Variants in STX3 observed in about 807,000 individuals in gnomAD.
STX3 encodes the protein syntaxin-3.
Under a neutral mutation model 40.2 loss-of-function variants are expected in STX3, and 19 were observed. That is an observed-to-expected ratio of 0.47 (90% CI 0.33 to 0.69). The LOEUF (loss-of-function observed/expected upper bound fraction) is 0.69. Among genes scored for constraint, STX3 ranks in the 30% least tolerant of loss-of-function variants. The pLI is 0.02. For missense variants in STX3, 364 were observed against 366.7 expected, an observed-to-expected ratio of 0.99 and a Z score of 0.06; for synonymous variants, 122 against 132.2, an observed-to-expected ratio of 0.92 and a Z score of 0.53.
chr11:59,794,932 C>G (rs192129566), intron 8 of STX3, among the ~76,000 whole-genome samples: 6 of 152,342 alleles, frequency 3.9e-5, no homozygotes, highest in Admixed American at 1.3e-4. Flanking sequence ...TGAATATACT[C>G]AATTCAGGCT....
At chr11:59,782,114 T>G (rs76847145) in intron 2 of STX3, among the ~76,000 whole-genome samples, 6,983 of 152,292 alleles carry the variant, frequency 0.046, 209 homozygotes, top group African/African-American at 0.058. Context: ...TTTCCTTGTT[T>G]AATTAGATTC....
intron 4 of STX3, chr11:59,789,272 G>A (rs183579841): frequency 1.2e-5 from 3 of 243,506 alleles, no homozygotes; most frequent in South Asian, 4.4e-5. Context: ...TTTTTGAGAC[G>A]GAGTCTCACT....
Position 59,803,039 on chromosome 11 carries a change from C to T in STX3, c.*2215C>T, listed in dbSNP as rs1865952588. 18 of 985,346 alleles carry T rather than the reference C, an allele frequency of 1.8e-5. No individual in the cohort carries two copies. The highest frequency in any genetic ancestry group is 2.2e-5 in the Non-Finnish European group (18 of 829,934). The allele number at this position is 985,346 out of a possible 1,614,324, so 61.0% of individuals were successfully genotyped here. A position where few individuals can be genotyped will look rare whatever the true frequency, so the allele number is the denominator to read the frequency against. ...CTTTTAATCTAACTTGAATGTCTCA[C>T]CAAAAATAACATTTCTGTTGGCATT... On this transcript the variant is annotated 3_prime_UTR_variant, in exon 11 of 11. Coordinates refer to ENST00000337979, the MANE Select transcript of STX3 (RefSeq NM_004177.5).
intron 10 of STX3, among the ~76,000 whole-genome samples, chr11:59,797,709 A>G (rs1411683472): frequency 1.3e-5 from 2 of 152,284 alleles, no homozygotes; most frequent in East Asian, 3.9e-4. Context: ...GCATGCTTCT[A>G]AGTTGGGTAC....
intron 2 of STX3, among the ~76,000 whole-genome samples, chr11:59,777,720 TGAGA>T (rs151230945): frequency 6.6e-6 from 1 of 152,230 alleles, no homozygotes; most frequent in Non-Finnish European, 1.5e-5. Flanking sequence ...CTTAGGATTG[TGAGA>T]GAGAGAGTCT....
Position 59,800,944 on chromosome 11 carries a change from G to A in STX3, c.*120G>A, listed in dbSNP as rs780484718. ...GCCTTCCTGAGAGCGAGTGCGACCC[G>A]TTCCTTTGTTTCCTTGCAACCACCC... is the stretch of plus-strand genomic sequence containing the variant. On this transcript the variant is annotated 3_prime_UTR_variant, in exon 11 of 11. Transcript: ENST00000337979. The A allele has an allele frequency of 4.9e-5, 75 of 1,535,958 alleles. No individual in the cohort carries two copies. The highest frequency in any genetic ancestry group is 3.8e-4 in the African/African-American group (28 of 73,140).
intron 4 of STX3, chr11:59,789,302 G>A (rs1864971119): frequency 4.8e-6 from 1 of 207,130 alleles, no homozygotes; most frequent in Non-Finnish European, 9.8e-6. Context: ...AGGCTGGAGT[G>A]CAGTGGTGTG....
intron 2 of STX3, among the ~76,000 whole-genome samples, chr11:59,777,948 G>C (rs1025724973): frequency 6.6e-6 from 1 of 152,150 alleles, no homozygotes; most frequent in African/African-American, 2.4e-5. Flanking sequence ...AAATTTTACT[G>C]TCTGGTGCCT....
At chr11:59,790,188 T>C (rs369995874) in intron 4 of STX3, among the ~76,000 whole-genome samples, 1 of 152,262 alleles carries the variant, frequency 6.6e-6, no homozygotes, top group East Asian at 1.9e-4. Flanking sequence ...GGGACTGTTA[T>C]TCTGTTTTAC....
chr11:59,792,344 C>G (rs78969280), intron 6 of STX3, 129 bp downstream of exon 6: 51,660 of 685,926 alleles, frequency 0.075, 2,690 homozygotes, highest in African/African-American at 0.21. Context: ...AGCTCCTGCA[C>G]CACTGGCACA....
intron 1 of STX3, among the ~76,000 whole-genome samples, chr11:59,756,375 G>C (rs1274613019): frequency 6.6e-6 from 1 of 152,180 alleles, no homozygotes; most frequent in Admixed American, 6.5e-5. Context: ...ATACAGAAAA[G>C]GGTTAACGCA....
intron 4 of STX3, among the ~76,000 whole-genome samples, chr11:59,789,860 ATT>A (rs1248670383): frequency 6.6e-6 from 1 of 152,012 alleles, no homozygotes; most frequent in Non-Finnish European, 1.5e-5. Flanking sequence ...CACTCCCCCC[ATT>A]TGGGAGAGTA....
chr11:59,755,907 C>T (rs1246390084), intron 1 of STX3, among the ~76,000 whole-genome samples: 1 of 152,262 alleles, frequency 6.6e-6, no homozygotes, highest in Non-Finnish European at 1.5e-5. Flanking sequence ...AGCTGGTTCC[C>T]GAAGCGGGTG....
chr11:59,802,783 A>G lies in STX3; in HGVS notation c.*1959A>G, dbSNP rs1326262710. 1 of 986,436 alleles carries G rather than the reference A, an allele frequency of 1.0e-6. No homozygotes were observed. Among genetic ancestry groups the G allele is most frequent in the Non-Finnish European group, 1.2e-6 (1 of 830,676 alleles). The allele number at this position is 986,436 out of a possible 1,614,324, so 61.1% of individuals were successfully genotyped here. A position where few individuals can be genotyped will look rare whatever the true frequency, so the allele number is the denominator to read the frequency against. On this transcript the variant is annotated 3_prime_UTR_variant, in exon 11 of 11. Coordinates refer to ENST00000337979, the MANE Select transcript of STX3 (RefSeq NM_004177.5). ...TGGTGATTTTTATTCAGGTTTTAGA[A>G]TGCAGTTCACACCTTTTTAAGCCAT...
chr11:59,768,972 G>A (rs1863416612), intron 1 of STX3, among the ~76,000 whole-genome samples: 1 of 152,126 alleles, frequency 6.6e-6, no homozygotes, highest in African/African-American at 2.4e-5. Context: ...TGAGGTCTGG[G>A]CTTTTAGTGT....
At position 59,797,301 on chromosome 11, in the gene STX3, G is replaced by T. The variant is rs764946499; in HGVS notation, c.805G>T (p.Val269Leu). The change falls in exon 10 of 11, where the codon GTG becomes TTG. Residue 269 changes from valine (V) to leucine (L), a missense_variant. By Grantham distance (32) the Val-to-Leu change is conservative (BLOSUM62 1). Transcript: ENST00000337979. ...QARKKLIIII[V>L]LVVVLLGILA... ...TCTCCAGAAATTGATAATTATCATTGTGCTAGTAGTTGTGTTGCTGGGCAT... is the reference window on the plus strand; with the variant it reads ...TCTCCAGAAATTGATAATTATCATTTTGCTAGTAGTTGTGTTGCTGGGCAT... 2 of 1,613,708 alleles carry T rather than the reference G, an allele frequency of 1.2e-6. No individual in the cohort carries two copies. The highest frequency in any genetic ancestry group is 1.6e-4 in the Middle Eastern group (1 of 6,062).
rs773622123 is a variant in STX3, at chr11:59,764,018, CA to C, written c.30+8396del. 9.7e-3 allele frequency among the ~76,000 whole-genome samples: 1,102 copies of C among 113,600 alleles called. 12 individuals are homozygous for C. Among genetic ancestry groups the C allele is most frequent in the African/African-American group, 0.03 (965 of 31,796 alleles). The allele number at this position is 113,600 out of a possible 152,430, so 74.5% of individuals were successfully genotyped here. ...GGGCAACAAGAGCGAAACTCCGTCT[CA>C]AAAAAAAAAAAATAAAAGGAATGAT... On this transcript the variant is annotated intron_variant, in intron 1 of 10. Coordinates refer to ENST00000337979, the MANE Select transcript of STX3 (RefSeq NM_004177.5).
intron 2 of STX3, among the ~76,000 whole-genome samples, chr11:59,777,013 G>C (rs1399746646): frequency 6.6e-6 from 1 of 152,230 alleles, no homozygotes; most frequent in African/African-American, 2.4e-5. Context: ...AAGTATTTGA[G>C]CGCTTACTGT....
At chr11:59,781,710 A>T in intron 2 of STX3, 1 of 1,595,590 alleles carries the variant, frequency 6.3e-7, no homozygotes, top group Non-Finnish European at 8.5e-7. Flanking sequence ...CAGCTGCTGA[A>T]CTGTGGCCAT....
Sources: gnomAD v4.1 joint callset for allele counts (sites outside exome capture counted in the v4.1 genomes callset) on GRCh38, gnomAD v4.1.1 for gene constraint, MANE v1.5 for transcripts, NCBI Gene and HGNC (gene_info 2026-07-23, HGNC 2026-07-21) for gene names.